The following LIMCH1 variants were observed in gnomAD, a reference collection of about 807,000 sequenced individuals.
The protein encoded by LIMCH1 is LIM and calponin homology domains 1, also known as LIM and calponin homology domains-containing protein 1.
Under a neutral mutation model 176.5 loss-of-function variants are expected in LIMCH1, and 113 were observed. The observed-to-expected ratio is 0.64, with a 90% CI of 0.55 to 0.75. The LOEUF (loss-of-function observed/expected upper bound fraction) is 0.75, where lower values mean the gene tolerates loss of function less well. LIMCH1 is among the 30% of genes least tolerant of loss of function. The pLI is 0.00. For missense variants in LIMCH1, 1,674 were observed against 1,814.9 expected (o/e 0.92, Z 1.41); for synonymous variants, 619 against 645.9 (o/e 0.96, Z 0.63).
chr4:41,420,979 C>T (rs1041475085), intron 1 of LIMCH1, among the ~76,000 whole-genome samples: 28 of 152,318 alleles, frequency 1.8e-4, no homozygotes, highest in Middle Eastern at 3.4e-3. Context: ...TTGTAACTAA[C>T]GCTTGAGTTT....
Position 41,494,385 on chromosome 4 carries a change from ATACATATACG to A in LIMCH1, c.97-144_97-135del, listed in dbSNP as rs902701257. On this transcript the variant is annotated intron_variant, in intron 1 of 26. Transcript: ENST00000313860. ...CATACACATACATATATACACATAC[ATACATATACG>A]TACATACACATAAACATACATATAT... 1.1e-4 allele frequency: 58 copies of A among 522,460 alleles called. No homozygotes were observed. In the Admixed American group the frequency reaches 1.7e-3, roughly 15 times the overall value. The allele number at this position is 522,460 out of a possible 1,614,324, so 32.4% of individuals were successfully genotyped here. A position where few individuals can be genotyped will look rare whatever the true frequency, so the allele number is the denominator to read the frequency against.
chr4:41,508,494 G>A (rs1191082742), intron 2 of LIMCH1, among the ~76,000 whole-genome samples: 3 of 152,076 alleles, frequency 2.0e-5, no homozygotes, highest in African/African-American at 7.2e-5. Context: ...GAGGTGAGAC[G>A]ATGCATTCAA....
At chr4:41,518,412 A>T (rs757791409) in intron 2 of LIMCH1, among the ~76,000 whole-genome samples, 1 of 152,150 alleles carries the variant, frequency 6.6e-6, no homozygotes, top group Non-Finnish European at 1.5e-5. Flanking sequence ...TAAGTTGCAG[A>T]TAGAAAAAAA....
chr4:41,682,524 G>A, intron 26 of LIMCH1, 64 bp downstream of exon 26: 1 of 1,533,986 alleles, frequency 6.5e-7, no homozygotes, highest in Non-Finnish European at 8.8e-7. Context: ...TGCACGCTCA[G>A]GAAGGGTACT....
At chr4:41,602,017 T>A (rs1381346623) in intron 2 of LIMCH1, among the ~76,000 whole-genome samples, 1 of 151,776 alleles carries the variant, frequency 6.6e-6, no homozygotes, top group East Asian at 1.9e-4. Flanking sequence ...CTGGAAGTTT[T>A]GTTTCAGAAA....
chr4:41,400,394 TG>T lies in LIMCH1; in HGVS notation c.96+39459del, dbSNP rs533836993. ...CTCTGTCAATTTTTTTCCAGTTTTT[TG>T]TTCATTATGAATGTCGGGGAAGGTA... On this transcript the variant is annotated intron_variant, in intron 1 of 26. Coordinates refer to the LIMCH1 transcript ENST00000313860. 1.6e-4 allele frequency among the ~76,000 whole-genome samples: 24 copies of T among 152,316 alleles called. No individual in the cohort carries two copies. The South Asian group carries it at 4.8e-3, about 30-fold the overall frequency.
chr4:41,419,743 C>T (rs940313829), intron 1 of LIMCH1, among the ~76,000 whole-genome samples: 18 of 143,056 alleles, frequency 1.3e-4, no homozygotes, highest in African/African-American at 1.9e-4. Context: ...TCCTCCCCTC[C>T]TTCTTTTCTT....
intron 1 of LIMCH1, among the ~76,000 whole-genome samples, chr4:41,541,935 G>A (rs115115253): frequency 1.7e-3 from 262 of 152,272 alleles, no homozygotes; most frequent in Non-Finnish European, 3.4e-3. Context: ...TTGAAAAGTC[G>A]CTCTGGTTTC....
intron 1 of LIMCH1, among the ~76,000 whole-genome samples, chr4:41,578,174 T>C (rs988276799): frequency 1.3e-5 from 2 of 152,158 alleles, no homozygotes; most frequent in Non-Finnish European, 2.9e-5. Flanking sequence ...TTCTGCATGC[T>C]GAGGAAGCCT....
At chr4:41,574,256 TCCCCTCCCCTCCCCTCCCCTCCCCTC>T (rs1279014506) in intron 1 of LIMCH1, among the ~76,000 whole-genome samples, 2 of 1,952 alleles carry the variant, frequency 1.0e-3, no homozygotes, top group Admixed American at 4.8e-3. Flanking sequence ...TCCCCTCCCC[TCCCCTCCCCTCCCCTCCCCTCCCCTC>T]CCCTCCCCTC....
intron 3 of LIMCH1, among the ~76,000 whole-genome samples, chr4:41,527,947 C>T (rs933319031): frequency 6.0e-5 from 9 of 150,454 alleles, no homozygotes; most frequent in African/African-American, 2.2e-4. Flanking sequence ...GTTGGGAAAA[C>T]GCAACTATAA....
intron 2 of LIMCH1, among the ~76,000 whole-genome samples, chr4:41,495,310 T>C (rs1318794805): frequency 6.6e-6 from 1 of 152,238 alleles, no homozygotes; most frequent in Non-Finnish European, 1.5e-5. Flanking sequence ...TGAGGTGAAA[T>C]GTACATACAA....
chr4:41,556,395 C>CAA (rs71198668), intron 1 of LIMCH1, among the ~76,000 whole-genome samples: 12,832 of 83,594 alleles, frequency 0.15, 1,077 homozygotes, highest in African/African-American at 0.24. Context: ...AACTCTATCT[C>CAA]AAAAAAAAAA....
In LIMCH1 at chr4:41,646,619, A is replaced by G; in HGVS notation, c.2546A>G (p.Lys849Arg). ...EAVLERLEMP[K>R]ILERSHSTEP... Reference sequence around the variant, plus strand: ...GTTCTCGAACGCTTGGAGATGCCAAAAATTCTGGAAAGAAGCCATTCAACA... The same window carrying G: ...GTTCTCGAACGCTTGGAGATGCCAAGAATTCTGGAAAGAAGCCATTCAACA... Residue 849 changes from lysine to arginine, a missense_variant, in exon 17 of 32, where the codon AAA becomes AGA. Physicochemically the swap from Lys to Arg is conservative, Grantham distance 26. Around this residue, in one of 3 missense-constraint regions of LIMCH1, gnomAD observed 1,015 missense variants for 1,102.5 expected, o/e 0.92. Coordinates refer to ENST00000503057, the MANE Select transcript of LIMCH1 (RefSeq NM_001330672.2). The G allele has an allele frequency of 6.2e-7, 1 of 1,614,206 alleles. No individual in the cohort carries two copies. The highest frequency in any genetic ancestry group is 1.1e-5 in the South Asian group (1 of 91,086).
intron 1 of LIMCH1, among the ~76,000 whole-genome samples, chr4:41,412,565 TTATA>T (rs2059589254): frequency 6.6e-6 from 1 of 152,136 alleles, no homozygotes; most frequent in South Asian, 2.1e-4. Context: ...TTGGGTCAGT[TTATA>T]TATGTATGCA....
intron 2 of LIMCH1, among the ~76,000 whole-genome samples, chr4:41,521,840 C>T (rs1425105606): frequency 6.6e-6 from 1 of 151,876 alleles, no homozygotes; most frequent in East Asian, 1.9e-4. Context: ...TGATTTTTTC[C>T]AATCTTCCCT....
intron 1 of LIMCH1, among the ~76,000 whole-genome samples, chr4:41,417,856 A>AT (rs1345744582): frequency 1.3e-5 from 2 of 152,086 alleles, no homozygotes; most frequent in African/African-American, 4.8e-5. Flanking sequence ...GGTTTGAAAA[A>AT]TTTTTTTTAC....
chr4:41,650,696 A>G, intron 18 of LIMCH1, 88 bp downstream of exon 18: 2 of 1,122,862 alleles, frequency 1.8e-6, no homozygotes. Flanking sequence ...CATGATAATG[A>G]CCATTTCTTT....
intron 1 of LIMCH1, among the ~76,000 whole-genome samples, chr4:41,418,255 TCTGA>T (rs1309252760): frequency 2.0e-5 from 3 of 152,224 alleles, no homozygotes; most frequent in African/African-American, 7.2e-5. Context: ...GAACAAATTC[TCTGA>T]CTTTCAAAAA....
Sources: gnomAD v4.1 joint callset for allele counts (sites outside exome capture counted in the v4.1 genomes callset) on GRCh38, gnomAD v4.1.1 for gene constraint, gnomAD v4.1.1 regional missense constraint, MANE v1.5 for transcripts, NCBI Gene and HGNC (gene_info 2026-07-23, HGNC 2026-07-21) for gene names.